Variants in RAP1GDS1 observed in about 807,000 individuals in gnomAD.
RAP1GDS1 encodes RAP1, GTP-GDP dissociation stimulator 1.
Under a neutral mutation model 71.1 loss-of-function variants are expected in RAP1GDS1, and 35 were observed. The observed-to-expected ratio is 0.49, with a 90% CI of 0.38 to 0.65. The LOEUF (loss-of-function observed/expected upper bound fraction) is 0.65. RAP1GDS1 is among the 30% of genes least tolerant of loss of function. RAP1GDS1 has a pLI of 0.00. For synonymous variants in RAP1GDS1, 229 were observed against 243.1 expected (o/e 0.94, Z 0.54); for missense variants, 663 against 706.1 (o/e 0.94, Z 0.69).
intron 1 of RAP1GDS1, among the ~76,000 whole-genome samples, chr4:98,261,803 C>A (rs1278315854): frequency 6.6e-6 from 1 of 152,042 alleles, no homozygotes; most frequent in Non-Finnish European, 1.5e-5. Flanking sequence ...GACCGCCGCC[C>A]GGCTCCCCGG....
rs61758756 is a variant in RAP1GDS1 at position 98,352,484 on chromosome 4, C to A, written c.244C>A (p.Arg82=). Residue 82 remains arginine (R), a synonymous_variant, in exon 4 of 15, where the codon CGA becomes AGA. Transcript: ENST00000408927. ...IAEVAKNEFM[R]IPCVDAGLIS... ...ATGTCTCTTATTTTCAGAGTTTATG[C>A]GAATTCCATGTGTGGATGCTGGATT... 5.5e-3 allele frequency: 8,837 copies of A among 1,612,784 alleles called. 337 individuals are homozygous for A. In the African/African-American group the frequency reaches 0.092, roughly 17 times the overall value.
chr4:98,415,049 T>C, intron 7 of RAP1GDS1, among the ~76,000 whole-genome samples: 1 of 152,172 alleles, frequency 6.6e-6, no homozygotes, highest in East Asian at 1.9e-4. Flanking sequence ...ATGCTTGTGA[T>C]TTTTGTACAT....
chr4:98,350,692 G>T (rs1009871118), intron 3 of RAP1GDS1, among the ~76,000 whole-genome samples: 1 of 152,164 alleles, frequency 6.6e-6, no homozygotes. Flanking sequence ...ACAAAAATTA[G>T]CTGGCTGTGG....
intron 14 of RAP1GDS1, chr4:98,441,265 C>G (rs1751827422): frequency 1.2e-6 from 1 of 864,496 alleles, no homozygotes; most frequent in Non-Finnish European, 1.4e-6. Flanking sequence ...CTTCACTCAT[C>G]CCATATAACA....
At chr4:98,331,805 G>C (rs1734055763) in intron 2 of RAP1GDS1, among the ~76,000 whole-genome samples, 1 of 152,172 alleles carries the variant, frequency 6.6e-6, no homozygotes, top group Non-Finnish European at 1.5e-5. Flanking sequence ...TTTTGAGCTT[G>C]GGAAAGCCTG....
intron 6 of RAP1GDS1, among the ~76,000 whole-genome samples, chr4:98,401,577 G>T (rs1745411675): frequency 6.6e-6 from 1 of 152,192 alleles, no homozygotes; most frequent in Non-Finnish European, 1.5e-5. Context: ...ACTGGAGTCT[G>T]CTGATAATAT....
At chr4:98,301,134 A>G (rs2110296316) in intron 2 of RAP1GDS1, among the ~76,000 whole-genome samples, 1 of 152,234 alleles carries the variant, frequency 6.6e-6, no homozygotes, top group South Asian at 2.1e-4. Flanking sequence ...AGTGTTATCA[A>G]ATGTTCCACA....
intron 12 of RAP1GDS1, among the ~76,000 whole-genome samples, chr4:98,422,984 T>C (rs184404810): frequency 6.6e-6 from 1 of 152,370 alleles, no homozygotes; most frequent in African/African-American, 2.4e-5. Context: ...AACTGCTCTC[T>C]CACGCCCATT....
intron 2 of RAP1GDS1, among the ~76,000 whole-genome samples, chr4:98,339,485 G>C (rs140922341): frequency 3.3e-5 from 5 of 152,224 alleles, no homozygotes; most frequent in African/African-American, 1.2e-4. Context: ...TAGTTAAAAT[G>C]TCAATAGTAG....
chr4:98,424,491 G>A (rs1749328460), intron 12 of RAP1GDS1, among the ~76,000 whole-genome samples: 1 of 152,228 alleles, frequency 6.6e-6, no homozygotes, highest in South Asian at 2.1e-4. Flanking sequence ...GCTGAGTGCG[G>A]TGGCTCACGC....
At chr4:98,324,727 G>A (rs1455785836) in intron 2 of RAP1GDS1, among the ~76,000 whole-genome samples, 2 of 143,510 alleles carry the variant, frequency 1.4e-5, no homozygotes, top group Non-Finnish European at 3.0e-5. Flanking sequence ...TATGTAGAAA[G>A]CTGAAACTGG....
chr4:98,396,296 G>A (rs1744540044), intron 6 of RAP1GDS1: 1 of 152,120 alleles, frequency 6.6e-6, no homozygotes, highest in Non-Finnish European at 1.5e-5. Flanking sequence ...ATAATATGAG[G>A]ACAAAAGCAG....
At chr4:98,412,254 T>C (rs1478400198) in intron 7 of RAP1GDS1, among the ~76,000 whole-genome samples, 2 of 152,222 alleles carry the variant, frequency 1.3e-5, no homozygotes, top group African/African-American at 4.8e-5. Context: ...GGCTCATGCC[T>C]GTAATCCTAG....
chr4:98,285,270 A>G (rs1279306520), intron 1 of RAP1GDS1, among the ~76,000 whole-genome samples: 2 of 152,164 alleles, frequency 1.3e-5, no homozygotes, highest in Non-Finnish European at 2.9e-5. Flanking sequence ...ACATTTGCCT[A>G]GAGAAATTTG....
intron 2 of RAP1GDS1, among the ~76,000 whole-genome samples, chr4:98,333,341 GA>G (rs1190905959): frequency 7.2e-5 from 11 of 151,938 alleles, no homozygotes; most frequent in Middle Eastern, 7.0e-3. Flanking sequence ...AATTTTTAGT[GA>G]AAACATAGGA....
At chr4:98,375,062 C>T (rs1266415035) in intron 4 of RAP1GDS1, among the ~76,000 whole-genome samples, 1 of 152,008 alleles carries the variant, frequency 6.6e-6, no homozygotes, top group Non-Finnish European at 1.5e-5. Context: ...AACTAGTTGG[C>T]TTAAAATAAG....
chr4:98,408,256 AGG>A (rs995389588), intron 7 of RAP1GDS1, among the ~76,000 whole-genome samples: 2 of 152,096 alleles, frequency 1.3e-5, no homozygotes, highest in Admixed American at 6.5e-5. Context: ...CTTCTCAAGT[AGG>A]TGGGATTACA....
intron 5 of RAP1GDS1, among the ~76,000 whole-genome samples, chr4:98,379,753 A>G (rs952727141): frequency 6.6e-6 from 1 of 151,934 alleles, no homozygotes; most frequent in African/African-American, 2.4e-5. Flanking sequence ...TTAAATGCAT[A>G]TAAATCTGTG....
At chr4:98,399,364 A>G (rs762636069) in intron 6 of RAP1GDS1, among the ~76,000 whole-genome samples, 5 of 152,200 alleles carry the variant, frequency 3.3e-5, no homozygotes, top group Non-Finnish European at 5.9e-5. Context: ...ACATCTCAAC[A>G]GCAGGGTCTC....
Sources: allele counts gnomAD v4.1 joint callset (sites outside exome capture counted in the v4.1 genomes callset), GRCh38; gene constraint gnomAD v4.1.1; transcripts MANE v1.5; gene names NCBI Gene and HGNC (gene_info 2026-07-23, HGNC 2026-07-21).